Variants in DBF4B observed in about 807,000 individuals in gnomAD.
The protein encoded by DBF4B is DBF4B-CDC7 kinase regulatory subunit.
In DBF4B, 49 loss-of-function variants were observed where a neutral mutation model predicts 53.4. That is an observed-to-expected ratio of 0.92 (90% CI 0.73 to 1.16). The LOEUF (loss-of-function observed/expected upper bound fraction) is 1.16. Ranked by LOEUF, DBF4B falls within the 50% of genes most tolerant of loss-of-function variation. The probability of loss-of-function intolerance (pLI) is 0.00; values close to 1 mark genes in which losing one functional copy is unlikely to be tolerated. For synonymous variants in DBF4B, 257 were observed against 288.7 expected, an observed-to-expected ratio of 0.89 and a Z score of 1.11; for missense variants, 692 against 775.0, an observed-to-expected ratio of 0.89 and a Z score of 1.27.
At chr17:44,724,285 TACTC>T (rs1974102218) in intron 3 of DBF4B, among the ~76,000 whole-genome samples, 1 of 152,094 alleles carries the variant, frequency 6.6e-6, no homozygotes, top group African/African-American at 2.4e-5. Context: ...TAGTCTCCGT[TACTC>T]AGTAGGCTGA....
chr17:44,742,841 A>G (rs1976215182), intron 10 of DBF4B, among the ~76,000 whole-genome samples: 1 of 152,172 alleles, frequency 6.6e-6, no homozygotes. Flanking sequence ...TAGAGAAGGA[A>G]TTCAGCTCAG....
At chr17:44,725,684 CTT>C (rs68091397) in intron 3 of DBF4B, among the ~76,000 whole-genome samples, 6,194 of 87,580 alleles carry the variant, frequency 0.071, 479 homozygotes, top group Non-Finnish European at 0.096. Flanking sequence ...TTTTGTGCTT[CTT>C]TTTTTTTTTT....
chr17:44,709,933 G>C (rs1475538939), intron 2 of DBF4B, among the ~76,000 whole-genome samples: 1 of 151,612 alleles, frequency 6.6e-6, no homozygotes, highest in East Asian at 1.9e-4. Context: ...CAGCACTTTG[G>C]GAGGCCAAGG....
At chr17:44,710,161 A>G (rs1399411832) in intron 2 of DBF4B, among the ~76,000 whole-genome samples, 1 of 152,074 alleles carries the variant, frequency 6.6e-6, no homozygotes, top group Non-Finnish European at 1.5e-5. Context: ...CGACCGAGCG[A>G]GACTCCGTCT....
At position 44,750,834 on chromosome 17, in the gene DBF4B, C is replaced by T. The variant is rs770361509; in HGVS notation, c.1429C>T (p.Pro477Ser). Residue 477 changes from proline to serine, a missense_variant, in exon 14 of 14, where the codon CCC becomes TCC. Physicochemically the swap from Pro to Ser is moderately conservative, Grantham distance 74. Around this residue, in one of 3 missense-constraint regions of DBF4B, gnomAD observed 597 missense variants for 665.8 expected, o/e 0.90. Coordinates refer to ENST00000315005, the MANE Select transcript of DBF4B (RefSeq NM_145663.3). ...WSPAEDMPLH[P>S]SQENSFAPAD... ...GCCTGCAGAGGACATGCCCCTCCAT[C>T]CCTCCCAAGAAAACTCCTTTGCCCC... 6.2e-7 allele frequency: 1 copy of T among 1,614,232 alleles called. No individual in the cohort carries two copies. Among genetic ancestry groups the T allele is most frequent in the East Asian group, 2.2e-5 (1 of 44,876 alleles).
At chr17:44,736,893 A>G in intron 8 of DBF4B, 27 bp downstream of exon 8, 1 of 1,612,992 alleles carries the variant, frequency 6.2e-7, no homozygotes, top group Non-Finnish European at 8.5e-7. Flanking sequence ...TTCCTCATCT[A>G]ATTGCAATCC....
intron 2 of DBF4B, chr17:44,720,096 A>G: frequency 3.7e-6 from 1 of 273,380 alleles, no homozygotes; most frequent in South Asian, 4.9e-5. Flanking sequence ...GTCCAGTCCC[A>G]AGACCAGCTG....
intron 8 of DBF4B, among the ~76,000 whole-genome samples, chr17:44,737,776 A>G (rs17682735): frequency 0.048 from 7,298 of 152,086 alleles, 265 homozygotes; most frequent in Non-Finnish European, 0.075. Flanking sequence ...CCTTTGCCCT[A>G]TTTTTTCAGG....
chr17:44,730,757 C>T (rs1449871829), intron 4 of DBF4B, among the ~76,000 whole-genome samples: 1 of 152,216 alleles, frequency 6.6e-6, no homozygotes, highest in East Asian at 1.9e-4. Flanking sequence ...AGGCTGCCAC[C>T]TCAGGGTGAC....
At chr17:44,713,200 C>T (rs994793569) in intron 2 of DBF4B, among the ~76,000 whole-genome samples, 2 of 150,094 alleles carry the variant, frequency 1.3e-5, no homozygotes, top group Non-Finnish European at 3.0e-5. Context: ...CGACCAGGCC[C>T]GGCTAATTTT....
intron 7 of DBF4B, 81 bp downstream of exon 7, chr17:44,734,244 C>A: frequency 6.5e-7 from 1 of 1,546,318 alleles, no homozygotes; most frequent in Non-Finnish European, 8.9e-7. Flanking sequence ...CCATGGCCCA[C>A]CCAAACCATC....
At chr17:44,733,164 C>CAA (rs34958647) in intron 6 of DBF4B, among the ~76,000 whole-genome samples, 25,209 of 104,572 alleles carry the variant, frequency 0.24, 2,456 homozygotes, top group African/African-American at 0.32. Flanking sequence ...GACTCCGTCT[C>CAA]AAAAAAAAAA....
intron 2 of DBF4B, among the ~76,000 whole-genome samples, chr17:44,716,918 C>G (rs1420940334): frequency 6.6e-5 from 10 of 152,120 alleles, no homozygotes. Context: ...TTTTCACTCA[C>G]CCATCTAATT....
At chr17:44,745,299 T>A (rs542611052) in intron 10 of DBF4B, among the ~76,000 whole-genome samples, 2 of 152,204 alleles carry the variant, frequency 1.3e-5, no homozygotes, top group African/African-American at 2.4e-5. Context: ...GTAAATACTT[T>A]TAAAAGACAA....
At chr17:44,742,848 T>C (rs941322531) in intron 10 of DBF4B, among the ~76,000 whole-genome samples, 1 of 152,110 alleles carries the variant, frequency 6.6e-6, no homozygotes, top group Admixed American at 6.6e-5. Context: ...GGAATTCAGC[T>C]CAGGTGATGG....
chr17:44,751,898 G>T lies in DBF4B; in HGVS notation c.*645G>T. ...AGTGGCCTGGTTCTCCTGTCCCCCT[G>T]CCCTTCCTCACCATTGCCCATTCCC... On this transcript the variant is annotated 3_prime_UTR_variant, in exon 14 of 14. Transcript: ENST00000315005. 3 of 1,536,028 alleles carry T rather than the reference G, an allele frequency of 2.0e-6. No homozygotes were observed. Among genetic ancestry groups the T allele is most frequent in the Non-Finnish European group, 2.6e-6 (3 of 1,146,870 alleles).
intron 3 of DBF4B, among the ~76,000 whole-genome samples, 181 bp from the exon 4 acceptor site, chr17:44,729,724 A>ACACC (rs993967124): frequency 2.0e-5 from 3 of 146,424 alleles, no homozygotes; most frequent in African/African-American, 5.2e-5. Flanking sequence ...ACACACACAC[A>ACACC]CACCCCATTA....
In DBF4B at chr17:44,751,058, C is replaced by T; in HGVS notation, c.1653C>T (p.Ser551=). 4 of 1,614,158 alleles carry T rather than the reference C, an allele frequency of 2.5e-6. No homozygotes were observed. The highest frequency in any genetic ancestry group is 2.5e-6 in the Non-Finnish European group (3 of 1,180,022). Residue 551 remains serine, a synonymous_variant, in exon 14 of 14, where the codon AGC becomes AGT. Coordinates refer to ENST00000315005, the MANE Select transcript of DBF4B (RefSeq NM_145663.3). ...ACCTTTACCTGCTGCTCACACAAAG[C>T]CTGTGGTGCCGGGTTCGGGTGCCCT... The part of the protein sequence containing the change: ...LGYLYLLLTQ[S]LWCRVRVPSL...
chr17:44,739,030 C>G (rs1975738919), intron 9 of DBF4B, among the ~76,000 whole-genome samples: 1 of 152,172 alleles, frequency 6.6e-6, no homozygotes, highest in Non-Finnish European at 1.5e-5. Context: ...GACTTGTGTA[C>G]AGCCACCTTG....
Sources: gnomAD v4.1 joint callset for allele counts (sites outside exome capture counted in the v4.1 genomes callset) on GRCh38, gnomAD v4.1.1 for gene constraint, gnomAD v4.1.1 regional missense constraint, MANE v1.5 for transcripts, NCBI Gene and HGNC (gene_info 2026-07-23, HGNC 2026-07-21) for gene names.